Variants in MAGI2 observed in about 807,000 individuals in gnomAD.
MAGI2 encodes the protein membrane associated guanylate kinase, WW and PDZ domain containing 2, also known as membrane-associated guanylate kinase, WW and PDZ domain-containing protein 2.
Under a neutral mutation model 133.3 loss-of-function variants are expected in MAGI2, and 35 were observed. The observed-to-expected ratio is 0.26, with a 90% confidence interval of 0.20 to 0.35. The LOEUF is 0.35. MAGI2 is among the 10% of genes least tolerant of loss of function. The pLI is 1.00. For missense variants in MAGI2, 1,636 were observed against 1,863.4 expected (o/e 0.88, Z 2.25); for synonymous variants, 729 against 710.6 (o/e 1.03, Z -0.41).
intron 1 of MAGI2, among the ~76,000 whole-genome samples, chr7:79,201,281 T>A (rs1172770191): frequency 2.0e-5 from 3 of 152,062 alleles, no homozygotes; most frequent in African/African-American, 7.3e-5. Context: ...CAGTTTTGCC[T>A]AGGGCCAGTT....
chr7:78,087,445 CATA>C (rs1310285123), intron 20 of MAGI2, among the ~76,000 whole-genome samples: 1 of 151,964 alleles, frequency 6.6e-6, no homozygotes, highest in Non-Finnish European at 1.5e-5. Context: ...TATTATTAAT[CATA>C]GTAGTTACAA....
chr7:78,500,257 C>G (rs971453167), intron 5 of MAGI2, among the ~76,000 whole-genome samples: 2 of 152,164 alleles, frequency 1.3e-5, no homozygotes, highest in East Asian at 3.8e-4. Context: ...CTATAGAGAT[C>G]TAAGTTATAA....
intron 1 of MAGI2, among the ~76,000 whole-genome samples, chr7:79,288,798 C>T (rs898629209): frequency 2.0e-4 from 31 of 152,154 alleles, no homozygotes; most frequent in African/African-American, 5.5e-4. Context: ...AGCTACACTA[C>T]AGCTGTGGCT....
intron 3 of MAGI2, among the ~76,000 whole-genome samples, chr7:78,608,486 T>TAC (rs1484737921): frequency 1.1e-4 from 17 of 151,230 alleles, no homozygotes; most frequent in Non-Finnish European, 5.9e-5. Context: ...TATATATATA[T>TAC]ACGTATATAT....
At chr7:78,365,721 G>T (rs879426121) in intron 7 of MAGI2, among the ~76,000 whole-genome samples, 1 of 152,176 alleles carries the variant, frequency 6.6e-6, no homozygotes, top group Non-Finnish European at 1.5e-5. Flanking sequence ...AATTGAATTT[G>T]CAGGGGATAG....
intron 21 of MAGI2, among the ~76,000 whole-genome samples, chr7:78,038,398 GTTTTACTTTTTA>G (rs1810457469): frequency 1.1e-5 from 1 of 90,392 alleles, no homozygotes; most frequent in African/African-American, 6.7e-5. Flanking sequence ...CTAACTTGAT[GTTTTACTTTTTA>G]ATTAACTTTA....
At chr7:78,543,807 T>TG (rs1666240695) in intron 3 of MAGI2, among the ~76,000 whole-genome samples, 1 of 152,356 alleles carries the variant, frequency 6.6e-6, no homozygotes, top group Admixed American at 6.5e-5. Context: ...TTTAAAAAGG[T>TG]GAGTGCTGAT....
chr7:78,585,001 G>T (rs1286966782), intron 3 of MAGI2, among the ~76,000 whole-genome samples: 1 of 152,156 alleles, frequency 6.6e-6, no homozygotes, highest in African/African-American at 2.4e-5. Context: ...AGGATTTAAA[G>T]ATGTTTGAAA....
intron 20 of MAGI2, among the ~76,000 whole-genome samples, chr7:78,082,325 A>G (rs1221757624): frequency 6.6e-6 from 1 of 152,160 alleles, no homozygotes; most frequent in African/African-American, 2.4e-5. Context: ...TTTGAAAGCT[A>G]CGGGGGAGGA....
intron 1 of MAGI2, among the ~76,000 whole-genome samples, chr7:79,192,883 A>G: frequency 6.6e-6 from 1 of 151,770 alleles, no homozygotes; most frequent in East Asian, 1.9e-4. Context: ...ATGTTGGGGG[A>G]GAGAGCAAAA....
intron 6 of MAGI2, among the ~76,000 whole-genome samples, chr7:78,451,341 C>T (rs1788704397): frequency 1.3e-5 from 2 of 151,854 alleles, no homozygotes; most frequent in Non-Finnish European, 2.9e-5. Context: ...GTTTAGAACG[C>T]AAAGGAAAAA....
At chr7:79,208,599 G>C (rs904715221) in intron 1 of MAGI2, among the ~76,000 whole-genome samples, 5 of 151,922 alleles carry the variant, frequency 3.3e-5, no homozygotes, top group African/African-American at 4.8e-5. Flanking sequence ...AATTATTATA[G>C]CCATCATGGA....
At chr7:78,483,207 T>C (rs1197167108) in intron 6 of MAGI2, among the ~76,000 whole-genome samples, 1 of 151,924 alleles carries the variant, frequency 6.6e-6, no homozygotes, top group Non-Finnish European at 1.5e-5. Context: ...TTAAAATGTT[T>C]TTAAAAAGCC....
At chr7:79,436,481 A>G (rs768536618) in intron 1 of MAGI2, among the ~76,000 whole-genome samples, 4 of 152,174 alleles carry the variant, frequency 2.6e-5, no homozygotes, top group South Asian at 2.1e-4. Flanking sequence ...TCCAGAACCT[A>G]TAAGGAACTT....
At chr7:78,808,486 G>C (rs1390774570) in intron 2 of MAGI2, among the ~76,000 whole-genome samples, 3 of 152,170 alleles carry the variant, frequency 2.0e-5, no homozygotes, top group African/African-American at 7.2e-5. Flanking sequence ...TCGATCTCTT[G>C]ACCTCGTGAT....
chr7:78,301,784 TG>T (rs1797850550), intron 9 of MAGI2, among the ~76,000 whole-genome samples: 1 of 152,218 alleles, frequency 6.6e-6, no homozygotes, highest in Non-Finnish European at 1.5e-5. Flanking sequence ...TTTCTATGCT[TG>T]TACATATAGA....
chr7:79,039,847 CATATATATTATATATAT>C (rs905936556), intron 1 of MAGI2, among the ~76,000 whole-genome samples: 1 of 140,420 alleles, frequency 7.1e-6, no homozygotes, highest in Non-Finnish European at 1.5e-5. Context: ...ATTATATATA[CATATATATTATATATAT>C]ATAATATATA....
intron 2 of MAGI2, among the ~76,000 whole-genome samples, chr7:78,855,348 G>A (rs113287358): frequency 3.3e-3 from 508 of 152,242 alleles, no homozygotes; most frequent in African/African-American, 0.012. Context: ...TTTGTGTGCT[G>A]CACCCATTAA....
intron 3 of MAGI2, among the ~76,000 whole-genome samples, chr7:78,549,843 A>G (rs1313133671): frequency 6.6e-6 from 1 of 152,180 alleles, no homozygotes; most frequent in African/African-American, 2.4e-5. Flanking sequence ...GTTACCATGA[A>G]CTGAAAATCA....
Sources: gnomAD v4.1 joint callset for allele counts (sites outside exome capture counted in the v4.1 genomes callset) on GRCh38, gnomAD v4.1.1 for gene constraint, MANE v1.5 for transcripts, NCBI Gene and HGNC (gene_info 2026-07-23, HGNC 2026-07-21) for gene names.